The following IKZF2 variants were observed in gnomAD, a reference collection of about 807,000 sequenced individuals.
IKZF2 encodes zinc finger protein Helios.
IKZF2 carries 15 observed loss-of-function variants against 49.2 expected under a neutral mutation model. That is an observed-to-expected ratio of 0.30 (90% confidence interval 0.20 to 0.47). IKZF2 has a LOEUF of 0.47. IKZF2 is among the 20% of genes least tolerant of loss of function. The pLI, the probability that IKZF2 is intolerant of heterozygous loss-of-function variation, is 1.00. For synonymous variants in IKZF2, 227 were observed against 221.4 expected, an observed-to-expected ratio of 1.03 and a Z score of -0.23; for missense variants, 567 against 664.6, an observed-to-expected ratio of 0.85 and a Z score of 1.61.
intron 4 of IKZF2, among the ~76,000 whole-genome samples, chr2:213,124,658 G>A (rs1295298704): frequency 1.3e-5 from 2 of 152,198 alleles, no homozygotes; most frequent in Non-Finnish European, 2.9e-5. Context: ...AAAGTACAGG[G>A]TGAGTCTAAA....
At chr2:213,104,893 T>A (rs1281447824) in intron 4 of IKZF2, among the ~76,000 whole-genome samples, 1 of 152,026 alleles carries the variant, frequency 6.6e-6, no homozygotes, top group East Asian at 1.9e-4. Context: ...GAAGAGGAAA[T>A]CAGAAAGACA....
intron 6 of IKZF2, among the ~76,000 whole-genome samples, chr2:213,047,610 T>C (rs1021803680): frequency 5.9e-5 from 9 of 152,092 alleles, no homozygotes; most frequent in Non-Finnish European, 1.0e-4. Flanking sequence ...TCCTGTTGTA[T>C]TGGAAGCTGA....
At chr2:213,149,624 C>T (rs924617731) in intron 2 of IKZF2, among the ~76,000 whole-genome samples, 1 of 152,090 alleles carries the variant, frequency 6.6e-6, no homozygotes, top group African/African-American at 2.4e-5. Flanking sequence ...AAATTATTCA[C>T]AATGAGCCAT....
rs141805360 is a variant in IKZF2 at position 213,042,694 on chromosome 2, T to C, written c.574+7019A>G. On this transcript the variant is annotated intron_variant, in intron 6 of 8. Coordinates refer to ENST00000434687, the MANE Select transcript of IKZF2 (RefSeq NM_001387220.1). The stretch of plus-strand genomic sequence containing the variant: ...TAGTGAAAAAATCTTTAAAAATGAA[T>C]AGAAGTCTGACTGCTTCACAGGATC... 8.2e-3 allele frequency among the ~76,000 whole-genome samples: 1,247 copies of C among 152,164 alleles called. 10 individuals are homozygous for C. The highest frequency in any genetic ancestry group is 0.01 in the Non-Finnish European group (691 of 67,986).
At chr2:213,080,976 T>C (rs1367417910) in intron 4 of IKZF2, among the ~76,000 whole-genome samples, 1 of 152,176 alleles carries the variant, frequency 6.6e-6, no homozygotes, top group Non-Finnish European at 1.5e-5. Context: ...AATTTGGTGT[T>C]AGGTTGAGTT....
intron 6 of IKZF2, among the ~76,000 whole-genome samples, chr2:213,037,493 G>A (rs749553238): frequency 1.3e-5 from 2 of 152,180 alleles, no homozygotes; most frequent in South Asian, 2.1e-4. Context: ...GGAAAGAGGC[G>A]TTCTACCTGG....
At chr2:213,110,930 G>C (rs11902586) in intron 4 of IKZF2, among the ~76,000 whole-genome samples, 7,084 of 152,024 alleles carry the variant, frequency 0.047, 305 homozygotes, top group African/African-American at 0.11. Context: ...GTATTTTTCT[G>C]TGAACTGTGT....
intron 4 of IKZF2, among the ~76,000 whole-genome samples, chr2:213,119,324 C>T (rs1167939348): frequency 6.6e-6 from 1 of 152,164 alleles, no homozygotes; most frequent in Non-Finnish European, 1.5e-5. Context: ...GGCATGCCCC[C>T]TTCCTGCATT....
intron 4 of IKZF2, among the ~76,000 whole-genome samples, chr2:213,147,031 C>CA (rs1418695335): frequency 6.6e-6 from 1 of 152,068 alleles, no homozygotes; most frequent in Non-Finnish European, 1.5e-5. Flanking sequence ...CTGTCACTGA[C>CA]AGCATGTAAG....
intron 4 of IKZF2, 108 bp downstream of exon 4, chr2:213,147,600 A>G (rs2061120551): frequency 1.2e-6 from 1 of 819,194 alleles, no homozygotes; most frequent in African/African-American, 1.7e-5. Flanking sequence ...CAAAATCTAT[A>G]ACAGTAGCTA....
chr2:213,124,419 G>A (rs1324288800), intron 4 of IKZF2, among the ~76,000 whole-genome samples: 1 of 152,176 alleles, frequency 6.6e-6, no homozygotes, highest in Non-Finnish European at 1.5e-5. Flanking sequence ...AAGGGATACA[G>A]GTACAAGCCT....
intron 5 of IKZF2, among the ~76,000 whole-genome samples, chr2:213,051,574 G>A (rs970921750): frequency 6.6e-6 from 1 of 151,494 alleles, no homozygotes; most frequent in Non-Finnish European, 1.5e-5. Flanking sequence ...TTGAATTTTG[G>A]CAGATCTTTT....
At chr2:213,031,509 T>A (rs530807723) in intron 6 of IKZF2, among the ~76,000 whole-genome samples, 3 of 152,284 alleles carry the variant, frequency 2.0e-5, no homozygotes, top group African/African-American at 7.2e-5. Flanking sequence ...ATAGTCACAA[T>A]TCAAACAAGA....
chr2:213,140,028 G>C (rs1043889281), intron 4 of IKZF2, among the ~76,000 whole-genome samples: 6 of 151,742 alleles, frequency 4.0e-5, no homozygotes. Context: ...CCTATTTTTT[G>C]AGCCCCAGCA....
chr2:213,043,209 C>T (rs1055374206), intron 6 of IKZF2, among the ~76,000 whole-genome samples: 4 of 151,958 alleles, frequency 2.6e-5, no homozygotes, highest in African/African-American at 9.7e-5. Context: ...CACACACACC[C>T]CTAGTATTTA....
chr2:213,133,845 T>C (rs539545816), intron 4 of IKZF2, among the ~76,000 whole-genome samples: 2 of 152,272 alleles, frequency 1.3e-5, no homozygotes, highest in Admixed American at 6.5e-5. Context: ...CATTCTATGC[T>C]AGATGTAAAA....
At chr2:213,150,835 C>G (rs1327025574) in intron 1 of IKZF2, among the ~76,000 whole-genome samples, 1 of 151,260 alleles carries the variant, frequency 6.6e-6, no homozygotes, top group Non-Finnish European at 1.5e-5. Context: ...CCATCTCTTT[C>G]GCCCATACTA....
At chr2:213,124,045 T>C (rs1197523843) in intron 4 of IKZF2, among the ~76,000 whole-genome samples, 1 of 152,084 alleles carries the variant, frequency 6.6e-6, no homozygotes. Context: ...TAAACTTCCT[T>C]TCCTCTAGCA....
At position 213,142,438 on chromosome 2, in the gene IKZF2, C is replaced by T. The variant is rs531945094; in HGVS notation, c.139+5270G>A. On this transcript the variant is annotated intron_variant, in intron 4 of 8. Transcript: ENST00000434687. ...TTGGATTTGAAAACAAACCCTTTTTCTTACAAGTCATAGGTCCATAAAAAA... is the reference window on the plus strand; with the variant it reads ...TTGGATTTGAAAACAAACCCTTTTTTTTACAAGTCATAGGTCCATAAAAAA... Among the ~76,000 whole-genome samples the T allele has an allele frequency of 8.6e-5, 13 of 152,032 alleles. No homozygotes were observed. The East Asian group carries it at 1.9e-3, about 23-fold the overall frequency.
Sources: allele counts gnomAD v4.1 joint callset (sites outside exome capture counted in the v4.1 genomes callset), GRCh38; gene constraint gnomAD v4.1.1; transcripts MANE v1.5; gene names NCBI Gene and HGNC (gene_info 2026-07-23, HGNC 2026-07-21).